CNTNAP3B: variants seen among roughly 807,000 people sequenced by gnomAD.
The protein encoded by CNTNAP3B is contactin-associated protein-like 3B.
In CNTNAP3B, 25 loss-of-function variants were observed where a neutral mutation model predicts 108.9. The ratio of observed to expected loss-of-function variants is 0.23; its 90% CI spans 0.17 to 0.32. CNTNAP3B has a LOEUF of 0.32. CNTNAP3B is among the 10% of genes least tolerant of loss of function. The probability of loss-of-function intolerance (pLI) is 1.00; values close to 1 mark genes in which losing one functional copy is unlikely to be tolerated. For missense variants in CNTNAP3B, 252 were observed against 1,210.4 expected (o/e 0.21, Z 11.75); for synonymous variants, 103 against 473.4 (o/e 0.22, Z 10.16).
intron 13 of CNTNAP3B, among the ~76,000 whole-genome samples, chr9:41,944,241 TAAAG>T (rs1260545008): frequency 2.7e-5 from 4 of 147,890 alleles, no homozygotes; most frequent in Admixed American, 6.8e-5. Context: ...CAGAAATACA[TAAAG>T]AAAGGTAGGA....
At chr9:42,095,232 CTG>C (rs1827876499) in intron 2 of CNTNAP3B, among the ~76,000 whole-genome samples, 1 of 137,742 alleles carries the variant, frequency 7.3e-6, no homozygotes, top group South Asian at 2.4e-4. Flanking sequence ...TCTGTGAGCA[CTG>C]TCTTTAAATT....
chr9:42,078,461 T>C (rs938311845), intron 2 of CNTNAP3B, among the ~76,000 whole-genome samples: 2 of 139,614 alleles, frequency 1.4e-5, no homozygotes, highest in African/African-American at 2.8e-5. Context: ...ATTATATATA[T>C]AGTATGTACA....
rs1333858609 is a variant in CNTNAP3B, at chr9:41,977,769, A to G, written c.1478-7524T>C. 1.5e-4 allele frequency among the ~76,000 whole-genome samples: 17 copies of G among 112,988 alleles called. 3 individuals carry two copies. Among genetic ancestry groups the G allele is most frequent in the African/African-American group, 6.3e-4 (17 of 27,000 alleles). The allele number at this position is 112,988 out of a possible 152,430, so 74.1% of individuals were successfully genotyped here. A position where few individuals can be genotyped will look rare whatever the true frequency, so the allele number is the denominator to read the frequency against. On this transcript the variant is annotated intron_variant, in intron 9 of 23. Coordinates refer to ENST00000377561, the MANE Select transcript of CNTNAP3B (RefSeq NM_001201380.3). ...TGGGAAGCTGGGACTACAGGCGCCC[A>G]CCACCATGCCCAGCTAATTTTTTTT... is the stretch of plus-strand genomic sequence containing the variant.
At position 41,924,678 on chromosome 9, in the gene CNTNAP3B, C is replaced by CACAT. The variant is rs1823763150; in HGVS notation, c.2366-586_2366-585insATGT. ...ACACACACACACACACACACACACACACACACACACACAGTCTTAATTCCT... is the reference window on the plus strand; with the variant it reads ...ACACACACACACACACACACACACACACATACACACACACACAGTCTTAATTCCT... On this transcript the variant is annotated intron_variant, in intron 15 of 23. Transcript: ENST00000377561. 4.9e-3 allele frequency among the ~76,000 whole-genome samples: 603 copies of CACAT among 123,602 alleles called. 8 individuals are homozygous for CACAT. The highest frequency in any genetic ancestry group is 0.017 in the African/African-American group (518 of 30,932). The allele number at this position is 123,602 out of a possible 152,430, so 81.1% of individuals were successfully genotyped here.
chr9:42,091,103 C>T (rs2118668607), intron 2 of CNTNAP3B, among the ~76,000 whole-genome samples: 1 of 37,098 alleles, frequency 2.7e-5, no homozygotes, highest in African/African-American at 7.9e-5. Flanking sequence ...TATTAATTTG[C>T]AAAATTATAT....
rs554234597 is a variant in CNTNAP3B, at chr9:42,058,202, T to G, written c.390+18667A>C. Among the ~76,000 whole-genome samples, 145 of 151,276 alleles carry G rather than the reference T, an allele frequency of 9.6e-4. 1 individual carries two copies. Among genetic ancestry groups the G allele is most frequent in the African/African-American group, 3.2e-3 (130 of 40,862 alleles). ...TTGTACAGATATCTAAAAGACATAC[T>G]GATTTAATTTCCTTTGGATACATAC... is the stretch of plus-strand genomic sequence containing the variant. On this transcript the variant is annotated intron_variant, in intron 3 of 23. Transcript: ENST00000377561.
At chr9:41,934,140 T>TACACACACATATATATAC (rs1824076777) in intron 14 of CNTNAP3B, among the ~76,000 whole-genome samples, 5 of 113,392 alleles carry the variant, frequency 4.4e-5, no homozygotes, top group African/African-American at 6.3e-5. Flanking sequence ...CATATATATA[T>TACACACACATATATATAC]ACACACACAT....
At chr9:41,925,469 T>C (rs897670999) in intron 15 of CNTNAP3B, among the ~76,000 whole-genome samples, 6 of 152,324 alleles carry the variant, frequency 3.9e-5, no homozygotes, top group African/African-American at 1.4e-4. Flanking sequence ...GGTGGGTGCC[T>C]GTAGTCCCAG....
At chr9:42,053,962 G>A (rs529175547) in intron 3 of CNTNAP3B, among the ~76,000 whole-genome samples, 1 of 151,938 alleles carries the variant, frequency 6.6e-6, no homozygotes, top group African/African-American at 2.4e-5. Flanking sequence ...TGGATCCCCT[G>A]TGAGAACTCT....
intron 14 of CNTNAP3B, among the ~76,000 whole-genome samples, chr9:41,930,748 C>A (rs1352425223): frequency 1.3e-5 from 2 of 152,270 alleles, no homozygotes; most frequent in Non-Finnish European, 2.9e-5. Flanking sequence ...TACAAAGAGA[C>A]CTGGAGGATC....
intron 10 of CNTNAP3B, among the ~76,000 whole-genome samples, chr9:41,967,850 C>T (rs1825327403): frequency 6.6e-6 from 1 of 152,268 alleles, no homozygotes; most frequent in South Asian, 2.1e-4. Context: ...TTTAAAAGTG[C>T]TTTCTTAAAA....
At chr9:42,053,717 CA>C (rs1276572643) in intron 3 of CNTNAP3B, among the ~76,000 whole-genome samples, 1 of 143,742 alleles carries the variant, frequency 7.0e-6, no homozygotes, top group Non-Finnish European at 1.5e-5. Context: ...AGTAAAGATG[CA>C]AAACTCTAGT....
rs950448360 is a variant in CNTNAP3B at position 41,953,157 on chromosome 9, C to T, written c.2080+26G>A. 2.7e-6 allele frequency: 4 copies of T among 1,509,404 alleles called. No individual in the cohort carries two copies. In the African/African-American group the frequency reaches 4.3e-5, roughly 16 times the overall value. The allele number at this position is 1,509,404 out of a possible 1,614,324, so 93.5% of individuals were successfully genotyped here. A position where few individuals can be genotyped will look rare whatever the true frequency, so the allele number is the denominator to read the frequency against. On this transcript the variant is annotated intron_variant, in intron 13 of 23. Coordinates refer to ENST00000377561, the MANE Select transcript of CNTNAP3B (RefSeq NM_001201380.3). The stretch of plus-strand genomic sequence containing the variant: ...GGCCGCGCCCCGGCCTCGTGAGCCC[C>T]TGTAGCCTCCAGCAGTGGCGCTTAC...
Position 42,071,461 on chromosome 9 carries a change from G to A in CNTNAP3B, c.390+5408C>T, listed in dbSNP as rs1418870610. ...ACAAAATATTTGAAGCCACAGATAA[G>A]CAGAGAATACGGTCAAAGTTGCTTA... On this transcript the variant is annotated intron_variant, in intron 3 of 23. Transcript: ENST00000377561. Among the ~76,000 whole-genome samples the A allele has an allele frequency of 1.5e-5, 2 of 135,954 alleles. 1 individual carries two copies. Among genetic ancestry groups the A allele is most frequent in the Non-Finnish European group, 3.1e-5 (2 of 63,716 alleles). 89.2% of individuals were successfully genotyped at this position (135,954 alleles called of 152,430 possible).
chr9:42,088,281 C>T lies in CNTNAP3B; in HGVS notation c.197-11219G>A, dbSNP rs1351358682. Among the ~76,000 whole-genome samples, 569 of 110,468 alleles carry T rather than the reference C, an allele frequency of 5.2e-3. 68 individuals carry two copies. The highest frequency in any genetic ancestry group is 0.022 in the African/African-American group (539 of 25,004). 72.5% of individuals were successfully genotyped at this position (110,468 alleles called of 152,430 possible). On this transcript the variant is annotated intron_variant, in intron 2 of 23. Coordinates refer to ENST00000377561, the MANE Select transcript of CNTNAP3B (RefSeq NM_001201380.3). ...ACATCTGTAAATATTAACCAAATGG[C>T]ACACTTTATGCATTTAATTGTATTT...
chr9:42,069,891 A>T (rs1280995756), intron 3 of CNTNAP3B, among the ~76,000 whole-genome samples: 2 of 103,138 alleles, frequency 1.9e-5, no homozygotes, highest in Admixed American at 1.0e-4. Flanking sequence ...ATGTTTCATA[A>T]GGACAAATAC....
intron 2 of CNTNAP3B, among the ~76,000 whole-genome samples, chr9:42,088,536 A>G (rs1386535839): frequency 7.2e-6 from 1 of 139,332 alleles, no homozygotes; most frequent in Non-Finnish European, 1.5e-5. Context: ...AAGTAAGATT[A>G]ATTTCTTTAA....
rs1212503158 is a variant in CNTNAP3B, at chr9:42,057,590, A to AT, written c.390+19278dup. On this transcript the variant is annotated intron_variant, in intron 3 of 23. Transcript: ENST00000377561. The stretch of plus-strand genomic sequence containing the variant: ...ACTGCTTATCCTTTTATGAAAATTA[A>AT]TTTTTTTAAATTTGATGAATAAAAT... 3.6e-4 allele frequency among the ~76,000 whole-genome samples: 43 copies of AT among 118,184 alleles called. 1 individual carries two copies. Among genetic ancestry groups the AT allele is most frequent in the African/African-American group, 1.4e-3 (40 of 28,256 alleles). The allele number at this position is 118,184 out of a possible 152,430, so 77.5% of individuals were successfully genotyped here.
chr9:42,099,053 T>C (rs1827970860), intron 2 of CNTNAP3B, among the ~76,000 whole-genome samples: 1 of 138,642 alleles, frequency 7.2e-6, no homozygotes. Context: ...AAGAAATCAG[T>C]ACCTGAGCTT....
Sources: allele counts gnomAD v4.1 joint callset (sites outside exome capture counted in the v4.1 genomes callset), GRCh38; gene constraint gnomAD v4.1.1; transcripts MANE v1.5; gene names NCBI Gene and HGNC (gene_info 2026-07-23, HGNC 2026-07-21).